VAV3: variants seen among roughly 807,000 people sequenced by gnomAD.
The protein encoded by VAV3 is vav guanine nucleotide exchange factor 3, also known as guanine nucleotide exchange factor VAV3.
A neutral mutation model predicts 131.2 loss-of-function variants in VAV3; 94 were observed. That is an observed-to-expected ratio of 0.72 (90% CI 0.61 to 0.85). The LOEUF is 0.85. Ranked by LOEUF, VAV3 falls within the 40% of genes least tolerant of loss-of-function variation. The pLI is 0.00. For synonymous variants in VAV3, 349 were observed against 342.0 expected, an observed-to-expected ratio of 1.02 and a Z score of -0.22; for missense variants, 939 against 1,002.7, an observed-to-expected ratio of 0.94 and a Z score of 0.86.
At chr1:107,789,368 C>A (rs1312160209) in intron 2 of VAV3, among the ~76,000 whole-genome samples, 1 of 152,184 alleles carries the variant, frequency 6.6e-6, no homozygotes, top group African/African-American at 2.4e-5. Context: ...AGGATCTCGT[C>A]GTGGGGAACA....
chr1:107,614,335 G>T (rs1652978675), intron 21 of VAV3, among the ~76,000 whole-genome samples: 1 of 151,958 alleles, frequency 6.6e-6, no homozygotes, highest in Non-Finnish European at 1.5e-5. Context: ...TTTAAGCCCA[G>T]AATAGAACAT....
Position 107,572,208 on chromosome 1 carries a change from T to C in VAV3, c.*1123A>G, listed in dbSNP as rs1405538799. The C allele has an allele frequency of 6.6e-6, 1 of 152,180 alleles. No homozygotes were observed. The highest frequency in any genetic ancestry group is 1.5e-5 in the Non-Finnish European group (1 of 68,050). 9.4% of individuals were successfully genotyped at this position (152,180 alleles called of 1,614,324 possible). ...CCCTCCAGTTAATACACTCCCAGGA[T>C]GGGCTGCAGAGGGGGAGACTCTGAG... is the stretch of plus-strand genomic sequence containing the variant. On this transcript the variant is annotated 3_prime_UTR_variant, in exon 27 of 27. Transcript: ENST00000370056.
chr1:107,953,295 T>C (rs949796326), intron 1 of VAV3, among the ~76,000 whole-genome samples: 1 of 152,150 alleles, frequency 6.6e-6, no homozygotes, highest in Non-Finnish European at 1.5e-5. Flanking sequence ...GGGGAGGCAG[T>C]GGGGAGAAGG....
chr1:107,667,850 ACT>A (rs1657521033), intron 19 of VAV3, among the ~76,000 whole-genome samples: 1 of 152,062 alleles, frequency 6.6e-6, no homozygotes, highest in Admixed American at 6.6e-5. Flanking sequence ...AAGATCTAAA[ACT>A]CTATGTGGAA....
rs1429598300 is a variant in VAV3, at chr1:107,683,531, T to C, written c.1734A>G (p.Lys578=). The change falls in exon 19 of 27, where the codon AAA becomes AAG. Residue 578 remains lysine, a splice_region_variant and synonymous_variant. Transcript: ENST00000370056. ...GEQGTLKLPE[K]RTNGLRRTPK... is the part of the protein sequence containing the mutation. ...GAGTTCTTCGCAGTCCATTGGTCCG[T>C]TTCTGTGCAGTAAAGTAAAACAAAG... 2 of 1,613,976 alleles carry C rather than the reference T, an allele frequency of 1.2e-6. No individual in the cohort carries two copies. The highest frequency in any genetic ancestry group is 1.1e-5 in the South Asian group (1 of 91,066).
chr1:107,808,708 T>A lies in VAV3; in HGVS notation c.322-29216A>T, dbSNP rs571756735. Among the ~76,000 whole-genome samples the A allele has an allele frequency of 3.4e-4, 52 of 152,240 alleles. No individual in the cohort carries two copies. In the South Asian group the frequency reaches 0.011, roughly 32 times the overall value. On this transcript the variant is annotated intron_variant, in intron 2 of 26. Coordinates refer to ENST00000370056, the MANE Select transcript of VAV3 (RefSeq NM_006113.5). ...CAATGATTCAGAGTATATACTCTAT[T>A]TTTTGCCACATAAGATGATTTTCTA...
At chr1:107,636,415 T>C (rs1654934806) in intron 20 of VAV3, among the ~76,000 whole-genome samples, 1 of 152,202 alleles carries the variant, frequency 6.6e-6, no homozygotes. Flanking sequence ...AAAGTACAGA[T>C]GCTCCTTGAC....
intron 20 of VAV3, among the ~76,000 whole-genome samples, chr1:107,628,690 G>A (rs1009163637): frequency 1.3e-5 from 2 of 152,154 alleles, no homozygotes; most frequent in Non-Finnish European, 2.9e-5. Context: ...TTTCTTAGAG[G>A]TGTTAGAAAA....
intron 25 of VAV3, 40 bp downstream of exon 25, chr1:107,596,172 T>C (rs2101070924): frequency 6.3e-7 from 1 of 1,594,922 alleles, no homozygotes; most frequent in African/African-American, 1.3e-5. Flanking sequence ...CCCCTAATTT[T>C]TAAGTGACAG....
chr1:107,734,915 C>T (rs960385927), intron 15 of VAV3, among the ~76,000 whole-genome samples: 1 of 152,208 alleles, frequency 6.6e-6, no homozygotes, highest in Non-Finnish European at 1.5e-5. Flanking sequence ...TTCTTCTCAG[C>T]ACCACATCAC....
chr1:107,911,326 A>T (rs543233990), intron 1 of VAV3, among the ~76,000 whole-genome samples: 11 of 152,332 alleles, frequency 7.2e-5, no homozygotes, highest in African/African-American at 2.6e-4. Flanking sequence ...TGTATAAAAC[A>T]TAAGCTTAAT....
chr1:107,764,538 G>T (rs1421436533), intron 9 of VAV3, among the ~76,000 whole-genome samples: 3 of 151,840 alleles, frequency 2.0e-5, no homozygotes, highest in Non-Finnish European at 4.4e-5. Context: ...TTTTGTTTTT[G>T]ATACAGGGTC....
intron 2 of VAV3, among the ~76,000 whole-genome samples, chr1:107,863,311 T>TTGA (rs1311522448): frequency 6.6e-6 from 1 of 152,200 alleles, no homozygotes; most frequent in Non-Finnish European, 1.5e-5. Flanking sequence ...CATCATTTTT[T>TTGA]AACCAGACTG....
intron 15 of VAV3, among the ~76,000 whole-genome samples, chr1:107,707,812 A>G (rs1381655886): frequency 6.6e-6 from 1 of 152,202 alleles, no homozygotes; most frequent in Non-Finnish European, 1.5e-5. Flanking sequence ...GAAACCAAAG[A>G]CAGTAAGCTG....
Position 107,596,203 on chromosome 1 carries a change from A to G in VAV3, c.2350+9T>C. ...GACAGCAAATTGTATTCTCAATTAC[A>G]ATACTTACAGCTGTTGCCTGCTCTA... On this transcript the variant is annotated intron_variant, in intron 25 of 26. Coordinates refer to ENST00000370056, the MANE Select transcript of VAV3 (RefSeq NM_006113.5). 2 of 1,605,698 alleles carry G rather than the reference A, an allele frequency of 1.2e-6. No individual in the cohort carries two copies. Among genetic ancestry groups the G allele is most frequent in the Non-Finnish European group, 1.7e-6 (2 of 1,177,308 alleles).
rs571549388 is a variant in VAV3, at chr1:107,600,377, G to T, written c.2220+2020C>A. On this transcript the variant is annotated intron_variant, in intron 24 of 26. Transcript: ENST00000370056. ...TTTTCTTTTCATAATTACATCCTTT[G>T]CTAATGTTTGTTAGTTTCATTTTGC... is the stretch of plus-strand genomic sequence containing the variant. Among the ~76,000 whole-genome samples the T allele has an allele frequency of 4.6e-5, 7 of 151,920 alleles. No individual in the cohort carries two copies. The East Asian group carries it at 5.8e-4, about 13-fold the overall frequency.
intron 20 of VAV3, among the ~76,000 whole-genome samples, chr1:107,621,670 T>C (rs1039404875): frequency 5.3e-4 from 81 of 152,156 alleles, no homozygotes; most frequent in African/African-American, 1.8e-3. Flanking sequence ...CATTTTATTC[T>C]GGGTCAGATA....
intron 5 of VAV3, among the ~76,000 whole-genome samples, chr1:107,771,321 C>T (rs1016191507): frequency 6.6e-5 from 10 of 150,958 alleles, no homozygotes; most frequent in South Asian, 2.1e-4. Context: ...GGCGCGATCT[C>T]GGCTCACTGC....
rs763635602 is a variant in VAV3, at chr1:107,765,169, A to G, written c.828T>C (p.Val276=). The G allele has an allele frequency of 1.2e-5, 19 of 1,612,110 alleles. 1 individual carries two copies. The South Asian group carries it at 2.1e-4, about 18-fold the overall frequency. The change falls in exon 9 of 27, where the codon GTT becomes GTC. Residue 276 remains valine (V), a synonymous_variant. Transcript: ENST00000370056. Reference sequence around the variant, plus strand: ...CTCCACTGCAGTACTGCCCGTAAATAACCAATCTGAAAGGGAAAAAAGACA... The same window carrying G: ...CTCCACTGCAGTACTGCCCGTAAATGACCAATCTGAAAGGGAAAAAAGACA... ...QVFINYKERL[V]IYGQYCSGVE... is the part of the protein sequence containing the mutation.
Sources: gnomAD v4.1 joint callset for allele counts (sites outside exome capture counted in the v4.1 genomes callset) on GRCh38, gnomAD v4.1.1 for gene constraint, MANE v1.5 for transcripts, NCBI Gene and HGNC (gene_info 2026-07-23, HGNC 2026-07-21) for gene names.